The following KCNIP4 variants were observed in gnomAD, a reference collection of about 807,000 sequenced individuals.
The protein encoded by KCNIP4 is potassium voltage-gated channel interacting protein 4, also known as Kv channel-interacting protein 4.
A neutral mutation model predicts 34.0 loss-of-function variants in KCNIP4; 12 were observed. The ratio of observed to expected loss-of-function variants is 0.35; its 90% CI spans 0.23 to 0.57. The LOEUF (loss-of-function observed/expected upper bound fraction) is 0.57, where lower values mean the gene tolerates loss of function less well. KCNIP4 is among the 20% of genes least tolerant of loss of function. KCNIP4 has a pLI of 0.83. For synonymous variants in KCNIP4, 124 were observed against 102.2 expected, an observed-to-expected ratio of 1.21 and a Z score of -1.29; for missense variants, 238 against 311.7, an observed-to-expected ratio of 0.76 and a Z score of 1.78.
chr4:20,787,901 T>A (rs911933813), intron 3 of KCNIP4, among the ~76,000 whole-genome samples: 5 of 152,174 alleles, frequency 3.3e-5, no homozygotes, highest in African/African-American at 1.2e-4. Flanking sequence ...ATTTTCTTAC[T>A]TATGAAGGTT....
At chr4:21,090,748 C>A (rs1297846600) in intron 1 of KCNIP4, among the ~76,000 whole-genome samples, 1 of 152,046 alleles carries the variant, frequency 6.6e-6, no homozygotes, top group Non-Finnish European at 1.5e-5. Context: ...TGTTATGTCT[C>A]ATTTTGAAAA....
intron 1 of KCNIP4, among the ~76,000 whole-genome samples, chr4:21,514,988 A>G (rs115284208): frequency 1.7e-4 from 26 of 152,274 alleles, no homozygotes; most frequent in African/African-American, 5.8e-4. Context: ...TTTAGCCACT[A>G]CCTATTTCCC....
intron 1 of KCNIP4, among the ~76,000 whole-genome samples, chr4:21,720,606 T>A (rs540944209): frequency 6.6e-6 from 1 of 151,492 alleles, no homozygotes. Context: ...TATGTATACA[T>A]GTGCCATGTT....
chr4:20,947,413 C>T (rs1732301336), intron 1 of KCNIP4, among the ~76,000 whole-genome samples: 1 of 152,106 alleles, frequency 6.6e-6, no homozygotes, highest in African/African-American at 2.4e-5. Flanking sequence ...ATGTGGTCCA[C>T]CTGCCTCGGC....
At chr4:21,197,817 G>A (rs1444347497) in intron 1 of KCNIP4, among the ~76,000 whole-genome samples, 1 of 152,064 alleles carries the variant, frequency 6.6e-6, no homozygotes, top group African/African-American at 2.4e-5. Flanking sequence ...AGCATTTTAA[G>A]TTATTATTTA....
chr4:21,070,411 C>G (rs554129678), intron 1 of KCNIP4, among the ~76,000 whole-genome samples: 1 of 151,486 alleles, frequency 6.6e-6, no homozygotes, highest in South Asian at 2.1e-4. Context: ...AAGTGTCCAA[C>G]TAGTTTAACT....
intron 3 of KCNIP4, among the ~76,000 whole-genome samples, chr4:20,797,527 TG>T (rs1029506095): frequency 2.0e-5 from 3 of 152,226 alleles, no homozygotes; most frequent in Non-Finnish European, 4.4e-5. Context: ...AGTAAAGCTA[TG>T]TACACTATAC....
chr4:21,075,394 G>T (rs1416126068), intron 1 of KCNIP4, among the ~76,000 whole-genome samples: 5 of 152,048 alleles, frequency 3.3e-5, no homozygotes, highest in Non-Finnish European at 7.4e-5. Context: ...ATTATGTAAT[G>T]GCCTTCTTTG....
intron 1 of KCNIP4, among the ~76,000 whole-genome samples, chr4:21,554,024 A>G (rs1738790162): frequency 1.3e-5 from 2 of 152,126 alleles, no homozygotes; most frequent in Non-Finnish European, 2.9e-5. Flanking sequence ...ATGTAAATGG[A>G]CATACATTAT....
intron 1 of KCNIP4, among the ~76,000 whole-genome samples, chr4:21,275,076 T>C (rs1343209142): frequency 1.3e-5 from 2 of 152,158 alleles, no homozygotes. Flanking sequence ...TGGTCAGAAT[T>C]GGGTACATTT....
At chr4:20,808,935 A>T (rs892117770) in intron 3 of KCNIP4, among the ~76,000 whole-genome samples, 1 of 152,196 alleles carries the variant, frequency 6.6e-6, no homozygotes, top group Non-Finnish European at 1.5e-5. Flanking sequence ...ATAACCGTTT[A>T]CTTAGTTGTC....
chr4:21,195,029 T>C (rs966976695), intron 1 of KCNIP4, among the ~76,000 whole-genome samples: 12 of 152,206 alleles, frequency 7.9e-5, no homozygotes, highest in Non-Finnish European at 1.6e-4. Flanking sequence ...GTGTGGCTTC[T>C]CAAAGGGAAA....
Position 21,373,439 on chromosome 4 carries a change from A to G in KCNIP4, c.62-490730T>C, listed in dbSNP as rs925796683. Among the ~76,000 whole-genome samples the G allele has an allele frequency of 1.2e-4, 17 of 147,726 alleles. 4 individuals carry two copies. The highest frequency in any genetic ancestry group is 4.3e-4 in the African/African-American group (16 of 37,316). Reference sequence around the variant, plus strand: ...ACTTTCAACTAAAAAGGTCTGAGAGACTTACAGAAGTTTGTGTTGTAGAAA... The same window carrying G: ...ACTTTCAACTAAAAAGGTCTGAGAGGCTTACAGAAGTTTGTGTTGTAGAAA... On this transcript the variant is annotated intron_variant, in intron 1 of 8. Transcript: ENST00000382152.
intron 1 of KCNIP4, among the ~76,000 whole-genome samples, chr4:21,324,980 G>T (rs1298689370): frequency 6.6e-6 from 1 of 151,532 alleles, no homozygotes; most frequent in Non-Finnish European, 1.5e-5. Context: ...CACTTCCTTG[G>T]TTAATTCCTA....
chr4:21,736,360 TAGAG>T (rs759229892), intron 1 of KCNIP4, among the ~76,000 whole-genome samples: 15 of 152,162 alleles, frequency 9.9e-5, no homozygotes, highest in Non-Finnish European at 2.1e-4. Flanking sequence ...CTCTGTACTG[TAGAG>T]AGATAGGTCC....
chr4:21,819,996 T>A (rs112894628), intron 1 of KCNIP4, among the ~76,000 whole-genome samples: 1 of 152,030 alleles, frequency 6.6e-6, no homozygotes, highest in Admixed American at 6.6e-5. Flanking sequence ...TAATTTGATA[T>A]AGCTATCTAA....
chr4:21,710,975 C>G (rs1225435714), intron 1 of KCNIP4, among the ~76,000 whole-genome samples: 1 of 152,140 alleles, frequency 6.6e-6, no homozygotes, highest in African/African-American at 2.4e-5. Context: ...CAATATAAAG[C>G]TTTATTTTTT....
At position 21,358,024 on chromosome 4, in the gene KCNIP4, G is replaced by A. The variant is rs574788929; in HGVS notation, c.62-475315C>T. ...ATGAGTTCACATCCTTTGTAGGGAC[G>A]TGGATGAAGCTGGAAACCATCTTTC... On this transcript the variant is annotated intron_variant, in intron 1 of 8. Coordinates refer to ENST00000382152, the MANE Select transcript of KCNIP4 (RefSeq NM_025221.6). Among the ~76,000 whole-genome samples, 7 of 152,030 alleles carry A rather than the reference G, an allele frequency of 4.6e-5. No homozygotes were observed. The South Asian group carries it at 6.2e-4, about 14-fold the overall frequency.
At chr4:21,128,617 A>G (rs1257661617) in intron 1 of KCNIP4, among the ~76,000 whole-genome samples, 1 of 152,206 alleles carries the variant, frequency 6.6e-6, no homozygotes, top group Non-Finnish European at 1.5e-5. Context: ...GGCTTGCCAC[A>G]TAGTAGGTGA....
Sources: gnomAD v4.1 joint callset for allele counts (sites outside exome capture counted in the v4.1 genomes callset) on GRCh38, gnomAD v4.1.1 for gene constraint, MANE v1.5 for transcripts, NCBI Gene and HGNC (gene_info 2026-07-23, HGNC 2026-07-21) for gene names.